The following DENND2A variants were observed in gnomAD, a reference collection of about 807,000 sequenced individuals.
DENND2A encodes DENN domain containing 2A.
Under a neutral mutation model 105.3 loss-of-function variants are expected in DENND2A, and 53 were observed. The ratio of observed to expected loss-of-function variants is 0.50; its 90% confidence interval spans 0.40 to 0.63. The LOEUF is 0.63. Ranked by LOEUF, DENND2A falls within the 30% of genes least tolerant of loss-of-function variation. The pLI, the probability that DENND2A is intolerant of heterozygous loss-of-function variation, is 0.00. For synonymous variants in DENND2A, 522 were observed against 508.4 expected (o/e 1.03, Z -0.36); for missense variants, 1,138 against 1,279.6 (o/e 0.89, Z 1.69).
chr7:140,610,349 G>T (rs1011771381), intron 1 of DENND2A, among the ~76,000 whole-genome samples: 12 of 151,120 alleles, frequency 7.9e-5, no homozygotes, highest in Admixed American at 2.6e-4. Flanking sequence ...ATCCTGTTGG[G>T]TACTGCGGTC....
At position 140,627,635 on chromosome 7, in the gene DENND2A, C is replaced by T. The variant is rs563997331; in HGVS notation, c.-248+12869G>A. On this transcript the variant is annotated intron_variant, in intron 1 of 19. Coordinates refer to ENST00000496613, the MANE Select transcript of DENND2A (RefSeq NM_015689.5). Reference sequence around the variant, plus strand: ...CTCCCAAGCTCAAGCAGTCCTCCTGCCTCAGCCTCCCAATTAGCTGGGACC... The same window carrying T: ...CTCCCAAGCTCAAGCAGTCCTCCTGTCTCAGCCTCCCAATTAGCTGGGACC... Among the ~76,000 whole-genome samples the T allele has an allele frequency of 8.5e-5, 13 of 152,102 alleles. No homozygotes were observed. In the South Asian group the frequency reaches 1.5e-3, roughly 17 times the overall value.
At chr7:140,519,751 T>A in intron 18 of DENND2A, 33 bp from the exon 19 acceptor site, 1 of 1,600,296 alleles carries the variant, frequency 6.2e-7, no homozygotes, top group Non-Finnish European at 8.6e-7. Flanking sequence ...CCATTTGAGT[T>A]CTTGGTCTTT....
intron 4 of DENND2A, among the ~76,000 whole-genome samples, chr7:140,587,268 T>A (rs1340644941): frequency 1.3e-5 from 2 of 152,186 alleles, no homozygotes; most frequent in African/African-American, 4.8e-5. Context: ...AGCTTCATCC[T>A]CATTATGCAG....
chr7:140,579,709 C>T (rs1206105135), intron 5 of DENND2A, among the ~76,000 whole-genome samples: 1 of 152,112 alleles, frequency 6.6e-6, no homozygotes, highest in African/African-American at 2.4e-5. Context: ...CACATGGACG[C>T]ACACCACACG....
chr7:140,551,260 A>ACTGCC (rs1797124350), intron 12 of DENND2A, among the ~76,000 whole-genome samples: 1 of 139,154 alleles, frequency 7.2e-6, no homozygotes, highest in Non-Finnish European at 1.5e-5. Context: ...AGATCACGCC[A>ACTGCC]CTGCCCTCCA....
chr7:140,636,728 G>A (rs993101031), intron 1 of DENND2A, among the ~76,000 whole-genome samples: 16 of 128,932 alleles, frequency 1.2e-4, no homozygotes, highest in African/African-American at 4.5e-4. Context: ...CCTCACTGTC[G>A]CCTAAGCTGG....
At chr7:140,585,289 A>G (rs146321382) in intron 5 of DENND2A, among the ~76,000 whole-genome samples, 233 of 152,346 alleles carry the variant, frequency 1.5e-3, no homozygotes, top group African/African-American at 5.3e-3. Flanking sequence ...ATCTTAGAGT[A>G]TGCTCTATGT....
rs374099434 is a variant in DENND2A at position 140,601,393 on chromosome 7, C to T, written c.995+10G>A. 3.8e-5 allele frequency: 60 copies of T among 1,566,312 alleles called. No homozygotes were observed. The highest frequency in any genetic ancestry group is 3.5e-4 in the Admixed American group (19 of 54,402). On this transcript the variant is annotated intron_variant, in intron 3 of 19. Transcript: ENST00000496613. ...GTGGCGACACTCTGCCTGGCCACACCGGCACCTACCTGTGGTCTGCACTGG... is the reference window on the plus strand; with the variant it reads ...GTGGCGACACTCTGCCTGGCCACACTGGCACCTACCTGTGGTCTGCACTGG...
At chr7:140,611,584 T>C (rs1299014722) in intron 1 of DENND2A, among the ~76,000 whole-genome samples, 1 of 152,114 alleles carries the variant, frequency 6.6e-6, no homozygotes, top group Non-Finnish European at 1.5e-5. Context: ...GAAGCGTTGG[T>C]CAATTGATGG....
Position 140,523,504 on chromosome 7 carries a change from G to A in DENND2A, c.2548-80C>T, listed in dbSNP as rs1329851518. 1 of 1,215,070 alleles carries A rather than the reference G, an allele frequency of 8.2e-7. No individual in the cohort carries two copies. Among genetic ancestry groups the A allele is most frequent in the African/African-American group, 1.5e-5 (1 of 67,008 alleles). The allele number at this position is 1,215,070 out of a possible 1,614,324, so 75.3% of individuals were successfully genotyped here. On this transcript the variant is annotated intron_variant, in intron 16 of 19. Transcript: ENST00000496613. The surrounding 1 kb of genome is among the most constrained non-coding windows in gnomAD (Gnocchi z 4.5). ...ATAGGACACACTGGAGCCACTGCAG[G>A]GCAGGCCTGGCTCAGTCTCCAGTTT... is the stretch of plus-strand genomic sequence containing the variant.
intron 1 of DENND2A, among the ~76,000 whole-genome samples, chr7:140,606,140 A>G (rs918806170): frequency 6.6e-6 from 1 of 152,096 alleles, no homozygotes; most frequent in Admixed American, 6.6e-5. Context: ...TCCTGGGCTC[A>G]AGTGATTCTC....
chr7:140,530,501 C>T (rs376705212), intron 14 of DENND2A, among the ~76,000 whole-genome samples: 3 of 151,970 alleles, frequency 2.0e-5, no homozygotes, highest in African/African-American at 2.4e-5. Flanking sequence ...CACTGATATT[C>T]GGTCCTTATC....
chr7:140,587,627 C>T lies in DENND2A; in HGVS notation c.1123+26G>A, dbSNP rs190989636. ...CCTTTCTCCCAGACAGACTCAGATC[C>T]GCACACAGACGCTGTGGCTTCTTAC... On this transcript the variant is annotated intron_variant, in intron 4 of 19. Transcript: ENST00000496613. 269 of 1,612,476 alleles carry T rather than the reference C, an allele frequency of 1.7e-4. 1 individual carries two copies. The East Asian group carries it at 3.4e-3, about 20-fold the overall frequency.
intron 10 of DENND2A, among the ~76,000 whole-genome samples, chr7:140,558,894 C>G (rs1797501668): frequency 6.8e-6 from 1 of 147,928 alleles, no homozygotes; most frequent in Admixed American, 6.7e-5. Flanking sequence ...CCTCTGCCGC[C>G]CGGGTTCAAG....
At chr7:140,623,715 G>A (rs1279410060) in intron 1 of DENND2A, among the ~76,000 whole-genome samples, 1 of 126,446 alleles carries the variant, frequency 7.9e-6, no homozygotes, top group Non-Finnish European at 1.6e-5. Flanking sequence ...GCAAGACTCC[G>A]TCTAGAAAAA....
chr7:140,523,616 C>T lies in DENND2A; in HGVS notation c.2548-192G>A, dbSNP rs77320856. ...TTTTGAGACAGAGTTTCACTCTTGTCGCATAGTCTGGAGTGCAATGCCATG... is the reference window on the plus strand; with the variant it reads ...TTTTGAGACAGAGTTTCACTCTTGTTGCATAGTCTGGAGTGCAATGCCATG... On this transcript the variant is annotated intron_variant, in intron 16 of 19. Coordinates refer to ENST00000496613, the MANE Select transcript of DENND2A (RefSeq NM_015689.5). This position sits in a 1 kb window ranked among gnomAD's most constrained non-coding sequence, Gnocchi z 4.5. Among the ~76,000 whole-genome samples, 9,309 of 152,034 alleles carry T rather than the reference C, an allele frequency of 0.061. 758 individuals are homozygous for T. Among genetic ancestry groups the T allele is most frequent in the East Asian group, 0.36 (1,839 of 5,154 alleles).
rs759429272 is a variant in DENND2A at position 140,523,424 on chromosome 7, T to A, written c.2548A>T (p.Met850Leu). The change falls in exon 17 of 20, where the codon ATG becomes TTG. Residue 850 changes from methionine to leucine, a missense_variant and splice_region_variant. Transcript: ENST00000496613. The surrounding 1 kb of genome is among the most constrained non-coding windows in gnomAD (Gnocchi z 4.5). ...DLVNSRFLRQ[M>L]DDEDSILPRK... ...GGCAGGATGGAGTCCTCATCGTCCA[T>A]CTGGAAAGCAGAGGTAGCAGGTGGG... 4 of 1,613,930 alleles carry A rather than the reference T, an allele frequency of 2.5e-6. No individual in the cohort carries two copies. The South Asian group carries it at 3.3e-5, about 13-fold the overall frequency.
In DENND2A at chr7:140,558,153, C is replaced by T. The variant is rs770542605; in HGVS notation, c.1949G>A (p.Arg650Gln). 2 of 1,613,472 alleles carry T rather than the reference C, an allele frequency of 1.2e-6. No homozygotes were observed. Among genetic ancestry groups the T allele is most frequent in the Admixed American group, 1.7e-5 (1 of 60,004 alleles). Residue 650 changes from arginine to glutamine, a missense_variant, in exon 11 of 20, where the codon CGA (arginine) becomes CAA (glutamine). By Grantham distance (43) the Arg-to-Gln change is conservative (BLOSUM62 1). Transcript: ENST00000496613. ...EDGSRRFGYCRRLLPGGKGKR... is the reference protein window; with the variant it reads ...EDGSRRFGYCQRLLPGGKGKR... ...GCAGAATGTACTCACCAGCAGTCTT[C>T]GGCAGTAACCGAACCTTCTGCTCCC...
intron 6 of DENND2A, 32 bp downstream of exon 6, chr7:140,573,776 T>C (rs1481975466): frequency 1.6e-5 from 25 of 1,603,468 alleles, no homozygotes; most frequent in Non-Finnish European, 2.1e-5. Context: ...GGGTCATGCA[T>C]ACCTGAGCAT....
Sources: gnomAD v4.1 joint callset for allele counts (sites outside exome capture counted in the v4.1 genomes callset) on GRCh38, gnomAD v4.1.1 for gene constraint, Gnocchi (gnomAD v3.1) non-coding constraint, MANE v1.5 for transcripts, NCBI Gene and HGNC (gene_info 2026-07-23, HGNC 2026-07-21) for gene names.